MED15: variants seen among roughly 807,000 people sequenced by gnomAD.
The protein encoded by MED15 is mediator of RNA polymerase II transcription subunit 15.
A neutral mutation model predicts 118.7 loss-of-function variants in MED15; 41 were observed. The observed-to-expected ratio is 0.35, with a 90% CI of 0.27 to 0.45. MED15 has a LOEUF of 0.45. Among genes scored for constraint, MED15 ranks in the 20% least tolerant of loss-of-function variants. The pLI, the probability that MED15 is intolerant of heterozygous loss-of-function variation, is 1.00. For synonymous variants in MED15, 436 were observed against 413.9 expected, an observed-to-expected ratio of 1.05 and a Z score of -0.65; for missense variants, 740 against 1,025.5, an observed-to-expected ratio of 0.72 and a Z score of 3.80.
At chr22:20,550,928 C>T (rs780907206) in intron 2 of MED15, 2 of 351,534 alleles carry the variant, frequency 5.7e-6, no homozygotes, top group Non-Finnish European at 1.1e-5. Flanking sequence ...TCCCGGAAAG[C>T]GCAGCCAGGG....
chr22:20,563,861 T>C (rs1397086093), intron 5 of MED15, among the ~76,000 whole-genome samples: 1 of 152,214 alleles, frequency 6.6e-6, no homozygotes, highest in African/African-American at 2.4e-5. Flanking sequence ...CAGCACAATT[T>C]TAGAACATTT....
At chr22:20,577,300 G>T (rs559993019) in intron 9 of MED15, among the ~76,000 whole-genome samples, 1 of 152,032 alleles carries the variant, frequency 6.6e-6, no homozygotes, top group Non-Finnish European at 1.5e-5. Flanking sequence ...ACAAGACCAG[G>T]CTCTGTCCTG....
rs555940652 is a variant in MED15, at chr22:20,561,344, C to T, written c.452-3106C>T. On this transcript the variant is annotated intron_variant, in intron 5 of 17. Coordinates refer to ENST00000263205, the MANE Select transcript of MED15 (RefSeq NM_001003891.3). ...GGCGATCCTGGCCAACATGGTGAAA[C>T]GCCGTCTCTCCTAAAAATACAAAAA... is the stretch of plus-strand genomic sequence containing the variant. Among the ~76,000 whole-genome samples the T allele has an allele frequency of 3.9e-5, 6 of 152,136 alleles. No homozygotes were observed. In the East Asian group the frequency reaches 7.8e-4, roughly 20 times the overall value.
At chr22:20,586,424 A>G (rs2057136956) in intron 17 of MED15, 144 bp from the exon 18 acceptor site, 1 of 1,242,256 alleles carries the variant, frequency 8.0e-7, no homozygotes, top group Non-Finnish European at 1.1e-6. Flanking sequence ...AGGAGAGCCC[A>G]AAGGCCGGGC....
chr22:20,552,679 G>A, intron 3 of MED15: 2 of 312,752 alleles, frequency 6.4e-6, no homozygotes, highest in South Asian at 5.1e-5. Context: ...GCTTCCAGCT[G>A]GCCGTGGACA....
chr22:20,543,202 CTTTTTTTTTTTT>C (rs67565815), intron 2 of MED15, among the ~76,000 whole-genome samples: 20 of 54,132 alleles, frequency 3.7e-4, no homozygotes, highest in East Asian at 1.7e-3. Flanking sequence ...TTTCATGTTG[CTTTTTTTTTTTT>C]TTTTTTTTTT....
rs111531500 is a variant in MED15, at chr22:20,570,087, C to T, written c.1152+1456C>T. On this transcript the variant is annotated intron_variant, in intron 8 of 17. Transcript: ENST00000263205. ...GTTGCCAGGCTGGAGTACAGTGGCA[C>T]GATCTTGGCTCACTGCAACCTCTGC... Among the ~76,000 whole-genome samples the T allele has an allele frequency of 3.0e-3, 450 of 152,278 alleles. 1 individual carries two copies. The highest frequency in any genetic ancestry group is 8.9e-3 in the African/African-American group (369 of 41,560).
chr22:20,528,743 G>A (rs376688918), intron 1 of MED15, among the ~76,000 whole-genome samples: 4 of 152,286 alleles, frequency 2.6e-5, no homozygotes, highest in African/African-American at 7.2e-5. Context: ...AGCGTGCATC[G>A]ATCTAGTCAC....
chr22:20,546,937 G>T (rs1358179754), intron 2 of MED15, among the ~76,000 whole-genome samples: 2 of 152,132 alleles, frequency 1.3e-5, no homozygotes, highest in Non-Finnish European at 1.5e-5. Flanking sequence ...GGGCCTTTCA[G>T]TGAACAGAAC....
In MED15 at chr22:20,513,827, T is replaced by C. The variant is rs187198825; in HGVS notation, c.68+6081T>C. On this transcript the variant is annotated intron_variant, in intron 1 of 17. Coordinates refer to ENST00000263205, the MANE Select transcript of MED15 (RefSeq NM_001003891.3). ...GAAATTGATGACCCTTATTGGAGCC[T>C]GTGGGGAGGTAGTTGGGAAATTGTT... Among the ~76,000 whole-genome samples the C allele has an allele frequency of 1.2e-4, 19 of 152,276 alleles. No homozygotes were observed. In the East Asian group the frequency reaches 3.7e-3, roughly 29 times the overall value.
At position 20,564,718 on chromosome 22, in the gene MED15, C is replaced by T. The variant is rs377277147; in HGVS notation, c.690+30C>T. ...CAGGTCCCCTGTTCCTGCTCTTGGC[C>T]TCCCTCCTGCAGCGTGAGCCCTGGG... is the stretch of plus-strand genomic sequence containing the variant. On this transcript the variant is annotated intron_variant, in intron 6 of 17. Transcript: ENST00000263205. 69 of 1,613,480 alleles carry T rather than the reference C, an allele frequency of 4.3e-5. No individual in the cohort carries two copies. In the African/African-American group the frequency reaches 6.4e-4, roughly 15 times the overall value.
At chr22:20,515,636 A>G (rs1264774450) in intron 1 of MED15, among the ~76,000 whole-genome samples, 2 of 151,976 alleles carry the variant, frequency 1.3e-5, no homozygotes, top group East Asian at 3.9e-4. Flanking sequence ...CTAAAAATAC[A>G]AAAATTAGCT....
At chr22:20,564,397 C>G in intron 5 of MED15, 53 bp from the exon 6 acceptor site, 6 of 1,603,584 alleles carry the variant, frequency 3.7e-6, no homozygotes, top group Non-Finnish European at 5.1e-6. Flanking sequence ...AGCCCTGCAG[C>G]GTTTCTGGGA....
intron 1 of MED15, among the ~76,000 whole-genome samples, chr22:20,527,888 C>T (rs555142351): frequency 4.1e-5 from 6 of 147,014 alleles, no homozygotes; most frequent in African/African-American, 1.3e-4. Flanking sequence ...ACGTGGGAGG[C>T]AGAGGTTGCA....
intron 2 of MED15, among the ~76,000 whole-genome samples, chr22:20,544,462 G>A (rs573152261): frequency 1.2e-4 from 18 of 152,232 alleles, no homozygotes; most frequent in African/African-American, 3.4e-4. Context: ...TCAGGAGATC[G>A]CAACCATCCT....
chr22:20,539,781 G>T (rs986015237), intron 2 of MED15, among the ~76,000 whole-genome samples: 5 of 152,180 alleles, frequency 3.3e-5, no homozygotes, highest in African/African-American at 1.2e-4. Context: ...TATAATGGGT[G>T]TGATTTGCAT....
intron 1 of MED15, among the ~76,000 whole-genome samples, chr22:20,532,641 G>A (rs1231577314): frequency 6.6e-6 from 1 of 152,188 alleles, no homozygotes; most frequent in Non-Finnish European, 1.5e-5. Flanking sequence ...AGGTCTGGCT[G>A]GTCGCAACCA....
intron 5 of MED15, among the ~76,000 whole-genome samples, chr22:20,564,057 G>A (rs1264149683): frequency 1.3e-5 from 2 of 152,184 alleles, no homozygotes; most frequent in Non-Finnish European, 2.9e-5. Flanking sequence ...CGACATGGGC[G>A]AACTCGTAAA....
At chr22:20,545,107 C>T (rs1374390415) in intron 2 of MED15, among the ~76,000 whole-genome samples, 1 of 152,156 alleles carries the variant, frequency 6.6e-6, no homozygotes, top group East Asian at 1.9e-4. Flanking sequence ...GTTATTTAGC[C>T]TGCCACAGAC....
Sources: allele counts gnomAD v4.1 joint callset (sites outside exome capture counted in the v4.1 genomes callset), GRCh38; gene constraint gnomAD v4.1.1; transcripts MANE v1.5; gene names NCBI Gene and HGNC (gene_info 2026-07-23, HGNC 2026-07-21).